PTPRM: variants seen among roughly 807,000 people sequenced by gnomAD.
PTPRM encodes protein tyrosine phosphatase receptor type M, also known as receptor-type tyrosine-protein phosphatase mu.
PTPRM carries 47 observed loss-of-function variants against 186.7 expected under a neutral mutation model. The ratio of observed to expected loss-of-function variants is 0.25; its 90% CI spans 0.20 to 0.32. PTPRM has a LOEUF of 0.32. Ranked by LOEUF, PTPRM falls within the 10% of genes least tolerant of loss-of-function variation. The pLI is 1.00. For synonymous variants in PTPRM, 668 were observed against 674.9 expected (o/e 0.99, Z 0.16); for missense variants, 1,494 against 1,865.0 (o/e 0.80, Z 3.66).
At chr18:8,237,167 C>G (rs1026676190) in intron 14 of PTPRM, among the ~76,000 whole-genome samples, 4 of 152,098 alleles carry the variant, frequency 2.6e-5, no homozygotes, top group African/African-American at 9.7e-5. Flanking sequence ...TCTCCTGTCC[C>G]TTATCTTATT....
At chr18:8,262,853 A>G (rs940834352) in intron 19 of PTPRM, among the ~76,000 whole-genome samples, 5 of 152,186 alleles carry the variant, frequency 3.3e-5, no homozygotes, top group African/African-American at 1.2e-4. Flanking sequence ...TATTTGATGA[A>G]TTGATTTCTG....
chr18:7,871,120 GT>G (rs1190628845), intron 2 of PTPRM, among the ~76,000 whole-genome samples: 1 of 152,232 alleles, frequency 6.6e-6, no homozygotes, highest in African/African-American at 2.4e-5. Flanking sequence ...AAGCCATAAT[GT>G]GATTCCCAAC....
chr18:8,130,435 AC>A (rs1371942921), intron 13 of PTPRM, among the ~76,000 whole-genome samples: 1 of 152,150 alleles, frequency 6.6e-6, no homozygotes, highest in Non-Finnish European at 1.5e-5. Context: ...TAATGCAAAA[AC>A]GTTTTTGTCA....
intron 1 of PTPRM, among the ~76,000 whole-genome samples, chr18:7,648,606 G>C (rs2038621838): frequency 6.6e-6 from 1 of 152,216 alleles, no homozygotes; most frequent in African/African-American, 2.4e-5. Context: ...GATAATGTTT[G>C]AGTGGTCTGA....
At chr18:7,800,995 A>G (rs1198389802) in intron 2 of PTPRM, among the ~76,000 whole-genome samples, 5 of 152,052 alleles carry the variant, frequency 3.3e-5, no homozygotes. Flanking sequence ...GCAGGATTGG[A>G]AGTTGCTCTG....
At chr18:7,672,533 A>T (rs2039241570) in intron 1 of PTPRM, among the ~76,000 whole-genome samples, 1 of 152,226 alleles carries the variant, frequency 6.6e-6, no homozygotes, top group Non-Finnish European at 1.5e-5. Flanking sequence ...TCTGTTAAAT[A>T]GCTACAACTT....
intron 32 of PTPRM, among the ~76,000 whole-genome samples, chr18:8,401,945 C>T (rs1448726734): frequency 2.0e-5 from 3 of 152,206 alleles, no homozygotes; most frequent in East Asian, 1.9e-4. Context: ...TGAGGAGGAC[C>T]GGGCCAGGCT....
intron 7 of PTPRM, among the ~76,000 whole-genome samples, chr18:8,045,509 T>C (rs181881190): frequency 4.6e-5 from 7 of 152,332 alleles, no homozygotes; most frequent in Admixed American, 4.6e-4. Flanking sequence ...GTCTGCTACA[T>C]GCTACAACAT....
chr18:7,641,376 A>G (rs1339523333), intron 1 of PTPRM, among the ~76,000 whole-genome samples: 1 of 152,234 alleles, frequency 6.6e-6, no homozygotes, highest in Non-Finnish European at 1.5e-5. Context: ...TAAGAAAAGG[A>G]GAAAGAGAGA....
At chr18:8,242,347 C>A (rs542771977) in intron 14 of PTPRM, among the ~76,000 whole-genome samples, 1 of 152,312 alleles carries the variant, frequency 6.6e-6, no homozygotes, top group South Asian at 2.1e-4. Context: ...TTCCAGTGAT[C>A]TGGCAGATTC....
chr18:7,666,410 C>T (rs1239879006), intron 1 of PTPRM, among the ~76,000 whole-genome samples: 1 of 152,174 alleles, frequency 6.6e-6, no homozygotes, highest in African/African-American at 2.4e-5. Flanking sequence ...GTAACTGAAC[C>T]TGAAGAGGGA....
chr18:7,870,170 C>G lies in PTPRM; in HGVS notation c.197-17936C>G, dbSNP rs970177280. Among the ~76,000 whole-genome samples, 81 of 152,102 alleles carry G rather than the reference C, an allele frequency of 5.3e-4. 2 individuals are homozygous for G. Among genetic ancestry groups the G allele is most frequent in the Admixed American group, 5.2e-3 (80 of 15,266 alleles). ...TATCACTCTAAGCTTTATCAGGCAC[C>G]TTTTTGCCTTACTCAACATAAATTA... On this transcript the variant is annotated intron_variant, in intron 2 of 32. Coordinates refer to ENST00000580170, the MANE Select transcript of PTPRM (RefSeq NM_001105244.2).
Position 7,922,124 on chromosome 18 carries a change from T to C in PTPRM, c.548-4444T>C, listed in dbSNP as rs531267946. On this transcript the variant is annotated intron_variant, in intron 4 of 32. Transcript: ENST00000580170. ...CACTAGATGACACCTTAAGCCAAAG[T>C]TTGCCTCAGTTATGGTAAACAATGA... is the stretch of plus-strand genomic sequence containing the variant. 1.2e-3 allele frequency among the ~76,000 whole-genome samples: 184 copies of C among 152,290 alleles called. 1 individual carries two copies. The highest frequency in any genetic ancestry group is 4.2e-3 in the African/African-American group (176 of 41,564).
intron 7 of PTPRM, among the ~76,000 whole-genome samples, chr18:7,976,971 A>G (rs1167491568): frequency 2.0e-5 from 3 of 151,650 alleles, no homozygotes; most frequent in Non-Finnish European, 4.4e-5. Context: ...GTTGATTGTG[A>G]CATGGATATT....
At chr18:7,838,162 GT>G (rs1438988285) in intron 2 of PTPRM, among the ~76,000 whole-genome samples, 5 of 152,188 alleles carry the variant, frequency 3.3e-5, no homozygotes, top group African/African-American at 1.2e-4. Context: ...GAAACTTACA[GT>G]TATGGTGGAA....
chr18:7,867,379 G>T (rs1169502286), intron 2 of PTPRM, among the ~76,000 whole-genome samples: 2 of 152,130 alleles, frequency 1.3e-5, no homozygotes, highest in Non-Finnish European at 2.9e-5. Flanking sequence ...AGGAGTTCTT[G>T]TATTGCAGGC....
At chr18:7,667,577 G>A (rs6506523) in intron 1 of PTPRM, among the ~76,000 whole-genome samples, 40,992 of 152,134 alleles carry the variant, frequency 0.27, 8,030 homozygotes, top group African/African-American at 0.54. Flanking sequence ...ATCAGTGTGC[G>A]TAATAAGCTA....
At chr18:7,973,733 C>A (rs1599801907) in intron 7 of PTPRM, among the ~76,000 whole-genome samples, 1 of 152,000 alleles carries the variant, frequency 6.6e-6, no homozygotes, top group East Asian at 1.9e-4. Flanking sequence ...GCTACCCATA[C>A]TCATTAATAC....
At chr18:8,053,345 T>G (rs566981426) in intron 7 of PTPRM, among the ~76,000 whole-genome samples, 1 of 152,180 alleles carries the variant, frequency 6.6e-6, no homozygotes, top group African/African-American at 2.4e-5. Flanking sequence ...TCCCCTACAT[T>G]CTTTAATTTA....
Sources: gnomAD v4.1 joint callset for allele counts (sites outside exome capture counted in the v4.1 genomes callset) on GRCh38, gnomAD v4.1.1 for gene constraint, MANE v1.5 for transcripts, NCBI Gene and HGNC (gene_info 2026-07-23, HGNC 2026-07-21) for gene names.